Variants in SMYD3 observed in about 807,000 individuals in gnomAD.
SMYD3 encodes the protein histone-lysine N-methyltransferase SMYD3.
SMYD3 carries 36 observed loss-of-function variants against 57.7 expected under a neutral mutation model. The observed-to-expected ratio is 0.62, with a 90% confidence interval of 0.48 to 0.82. The LOEUF is 0.82. Ranked by LOEUF, SMYD3 falls within the 40% of genes least tolerant of loss-of-function variation. SMYD3 has a pLI of 0.00. For synonymous variants in SMYD3, 211 were observed against 195.0 expected, an observed-to-expected ratio of 1.08 and a Z score of -0.68; for missense variants, 515 against 538.8, an observed-to-expected ratio of 0.96 and a Z score of 0.44.
At chr1:245,852,928 A>ACACATACGAACACACG (rs1373614649) in intron 10 of SMYD3, among the ~76,000 whole-genome samples, 1 of 152,176 alleles carries the variant, frequency 6.6e-6, no homozygotes, top group Non-Finnish European at 1.5e-5. Flanking sequence ...TCAGTATTTC[A>ACACATACGAACACACG]CACATACGAA....
intron 5 of SMYD3, among the ~76,000 whole-genome samples, chr1:246,306,409 A>C (rs1209442423): frequency 2.6e-5 from 4 of 152,224 alleles, no homozygotes; most frequent in African/African-American, 9.7e-5. Flanking sequence ...GAAATAAAAA[A>C]AAAATTAGAA....
At position 246,462,735 on chromosome 1, in the gene SMYD3, G is replaced by A. The variant is rs182838494; in HGVS notation, c.164+44319C>T. Among the ~76,000 whole-genome samples the A allele has an allele frequency of 4.6e-5, 7 of 152,188 alleles. No individual in the cohort carries two copies. The South Asian group carries it at 8.3e-4, about 18-fold the overall frequency. On this transcript the variant is annotated intron_variant, in intron 1 of 11. Transcript: ENST00000490107. ...GAAATCAGGATTCAGAGAAATCTTA[G>A]ATAGCTCACTCTATGAGCTAACAAA...
At chr1:246,107,218 C>T (rs1003576253) in intron 5 of SMYD3, among the ~76,000 whole-genome samples, 6 of 150,850 alleles carry the variant, frequency 4.0e-5, no homozygotes, top group South Asian at 4.2e-4. Flanking sequence ...ACCTGGGAGG[C>T]GGAGCTTGCA....
At chr1:245,922,257 G>T (rs2056024791) in intron 7 of SMYD3, among the ~76,000 whole-genome samples, 1 of 152,164 alleles carries the variant, frequency 6.6e-6, no homozygotes. Flanking sequence ...AAACCTGAAA[G>T]CACCGGCTCA....
At chr1:246,359,599 A>C (rs2065957669) in intron 1 of SMYD3, among the ~76,000 whole-genome samples, 1 of 152,204 alleles carries the variant, frequency 6.6e-6, no homozygotes, top group African/African-American at 2.4e-5. Context: ...GCAGCACATC[A>C]AAAAGATAAT....
intron 5 of SMYD3, among the ~76,000 whole-genome samples, chr1:246,039,838 G>C (rs1248718332): frequency 6.6e-6 from 1 of 152,156 alleles, no homozygotes; most frequent in African/African-American, 2.4e-5. Context: ...GACCTATATT[G>C]TATTTCAAAG....
In SMYD3 at chr1:246,248,635, CCTTT is replaced by C. The variant is rs1284957393; in HGVS notation, c.531+78562_531+78565del. On this transcript the variant is annotated intron_variant, in intron 5 of 11. Coordinates refer to ENST00000490107, the MANE Select transcript of SMYD3 (RefSeq NM_001167740.2). ...AGTTATGCAAAAGCTCTCTGACTTT[CCTTT>C]TTTTTTTTTTTTTTTTTTTTGAGAT... is the stretch of plus-strand genomic sequence containing the variant. Among the ~76,000 whole-genome samples the C allele has an allele frequency of 1.6e-4, 11 of 68,334 alleles. 1 individual carries two copies. Among genetic ancestry groups the C allele is most frequent in the African/African-American group, 5.2e-4 (8 of 15,416 alleles). The allele number at this position is 68,334 out of a possible 152,430, so 44.8% of individuals were successfully genotyped here.
chr1:246,040,871 T>C (rs2059858188), intron 5 of SMYD3, among the ~76,000 whole-genome samples: 1 of 152,176 alleles, frequency 6.6e-6, no homozygotes. Flanking sequence ...AGCAAATAAC[T>C]AGAAGATAGA....
chr1:245,920,737 C>T (rs753654317), intron 7 of SMYD3, among the ~76,000 whole-genome samples: 28 of 152,178 alleles, frequency 1.8e-4, no homozygotes, highest in Non-Finnish European at 3.5e-4. Context: ...GGTGCTAGGA[C>T]GGCTGGCTAG....
chr1:246,354,138 G>A (rs1363096010), intron 2 of SMYD3, among the ~76,000 whole-genome samples: 1 of 152,170 alleles, frequency 6.6e-6, no homozygotes, highest in Non-Finnish European at 1.5e-5. Context: ...AAAAGGATGA[G>A]TGGAGGGTGG....
intron 5 of SMYD3, among the ~76,000 whole-genome samples, chr1:246,164,848 G>A (rs2062179487): frequency 2.0e-5 from 3 of 152,162 alleles, no homozygotes; most frequent in Admixed American, 2.0e-4. Context: ...ACTTAACATA[G>A]GCTACTGTTG....
At chr1:246,269,830 C>T (rs1456489736) in intron 5 of SMYD3, among the ~76,000 whole-genome samples, 1 of 152,128 alleles carries the variant, frequency 6.6e-6, no homozygotes, top group Non-Finnish European at 1.5e-5. Flanking sequence ...GCCTCAGCCT[C>T]CCAAAGTGCT....
At chr1:245,965,080 C>A (rs965832849) in intron 5 of SMYD3, among the ~76,000 whole-genome samples, 1 of 151,832 alleles carries the variant, frequency 6.6e-6, no homozygotes, top group African/African-American at 2.4e-5. Flanking sequence ...AAAAAAATAC[C>A]CCAGAGGGAA....
chr1:246,432,654 G>C lies in SMYD3; in HGVS notation c.164+74400C>G, dbSNP rs546529261. Among the ~76,000 whole-genome samples, 103 of 152,252 alleles carry C rather than the reference G, an allele frequency of 6.8e-4. 1 individual carries two copies. Among genetic ancestry groups the C allele is most frequent in the African/African-American group, 2.5e-3 (102 of 41,546 alleles). On this transcript the variant is annotated intron_variant, in intron 1 of 11. Coordinates refer to ENST00000490107, the MANE Select transcript of SMYD3 (RefSeq NM_001167740.2). ...TGTAACAGACTGTAAGACTCCACTC[G>C]CTCGCTTGGTCTTGACTGCCTAACT...
At chr1:246,348,617 A>G (rs1175100229) in intron 2 of SMYD3, among the ~76,000 whole-genome samples, 1 of 151,436 alleles carries the variant, frequency 6.6e-6, no homozygotes, top group Admixed American at 6.6e-5. Flanking sequence ...AAGGAGGAGG[A>G]GGTGCAAGGG....
At chr1:246,448,703 T>TAAA (rs1466717931) in intron 1 of SMYD3, among the ~76,000 whole-genome samples, 8 of 92,944 alleles carry the variant, frequency 8.6e-5, no homozygotes, top group African/African-American at 3.7e-4. Context: ...TCTCTTTTTT[T>TAAA]TAAAAAAAAA....
At chr1:246,159,370 G>A (rs2062076941) in intron 5 of SMYD3, among the ~76,000 whole-genome samples, 1 of 152,094 alleles carries the variant, frequency 6.6e-6, no homozygotes, top group Admixed American at 6.5e-5. Context: ...CAGTGATGAA[G>A]AATGGGGAAG....
At chr1:246,125,825 A>G (rs1204177983) in intron 5 of SMYD3, among the ~76,000 whole-genome samples, 1 of 152,206 alleles carries the variant, frequency 6.6e-6, no homozygotes, top group Non-Finnish European at 1.5e-5. Context: ...AGAGGAAAAC[A>G]GCCAATCAAG....
intron 5 of SMYD3, among the ~76,000 whole-genome samples, chr1:246,179,764 G>A (rs2062503018): frequency 6.6e-6 from 1 of 152,160 alleles, no homozygotes; most frequent in African/African-American, 2.4e-5. Context: ...TGGTTTCCAT[G>A]TTGGCATTGA....
Sources: allele counts gnomAD v4.1 joint callset (sites outside exome capture counted in the v4.1 genomes callset), GRCh38; gene constraint gnomAD v4.1.1; transcripts MANE v1.5; gene names NCBI Gene and HGNC (gene_info 2026-07-23, HGNC 2026-07-21).